Variants in LRCH3 observed in about 807,000 individuals in gnomAD.
The protein encoded by LRCH3 is DISP complex protein LRCH3.
A neutral mutation model predicts 104.5 loss-of-function variants in LRCH3; 68 were observed. The observed-to-expected ratio is 0.65, with a 90% CI of 0.54 to 0.80. The LOEUF is 0.80. Ranked by LOEUF, LRCH3 falls within the 30% of genes least tolerant of loss-of-function variation. The pLI is 0.00. For synonymous variants in LRCH3, 344 were observed against 361.3 expected, an observed-to-expected ratio of 0.95 and a Z score of 0.54; for missense variants, 951 against 953.9, an observed-to-expected ratio of 1.00 and a Z score of 0.04.
chr3:197,814,958 G>A lies in LRCH3; in HGVS notation c.313G>A (p.Val105Ile), dbSNP rs760317916. The A allele has an allele frequency of 2.5e-6, 4 of 1,601,252 alleles. No individual in the cohort carries two copies. In the South Asian group the frequency reaches 3.5e-5, roughly 14 times the overall value. ...AATTCCTATAGAAGCATGTCACTTT[G>A]TTTCTCTGGAAAATCTCAACTTGTA... is the stretch of plus-strand genomic sequence containing the variant. ...SEIPIEACHF[V>I]SLENLNLYQN... Residue 105 changes from valine to isoleucine, a missense_variant, in exon 2 of 21, where the codon GTT becomes ATT. Transcript: ENST00000425562.
In LRCH3 at chr3:197,847,341, GT is replaced by G. The variant is rs912294879; in HGVS notation, c.1329-62del. 37 of 1,393,864 alleles carry G rather than the reference GT, an allele frequency of 2.7e-5. No individual in the cohort carries two copies. In the African/African-American group the frequency reaches 5.4e-4, roughly 20 times the overall value. The allele number at this position is 1,393,864 out of a possible 1,614,324, so 86.3% of individuals were successfully genotyped here. On this transcript the variant is annotated intron_variant, in intron 10 of 20. Transcript: ENST00000425562. ...TACATTTACAATAAAAATTTCATTT[GT>G]TTTTTATGTATCTGTTTGTCTTTTT...
intron 5 of LRCH3, 125 bp from the exon 6 acceptor site, chr3:197,829,439 T>C (rs749206547): frequency 1.4e-5 from 7 of 508,676 alleles, no homozygotes; most frequent in Non-Finnish European, 2.4e-5. Context: ...TTTTAAATAT[T>C]ACTGTATGTA....
At chr3:197,816,369 C>T (rs1330843727) in intron 2 of LRCH3, among the ~76,000 whole-genome samples, 3 of 152,104 alleles carry the variant, frequency 2.0e-5, no homozygotes, top group Admixed American at 6.6e-5. Context: ...CAACCTCCAT[C>T]TCCCGGGTTC....
At chr3:197,881,980 T>A in intron 20 of LRCH3, 1 of 985,452 alleles carries the variant, frequency 1.0e-6, no homozygotes, top group African/African-American at 1.7e-5. Flanking sequence ...AAACTTCAGT[T>A]TTCTGTGTCA....
chr3:197,880,593 G>A, intron 20 of LRCH3: 1 of 1,536,610 alleles, frequency 6.5e-7, no homozygotes, highest in Non-Finnish European at 8.7e-7. Flanking sequence ...TTCTCTTGGG[G>A]CACACTCAGA....
chr3:197,825,200 C>T (rs58374545), intron 4 of LRCH3, among the ~76,000 whole-genome samples: 1 of 152,012 alleles, frequency 6.6e-6, no homozygotes, highest in Non-Finnish European at 1.5e-5. Context: ...AGCTTTTGCT[C>T]TCTGGAAGAT....
intron 1 of LRCH3, 42 bp downstream of exon 1, chr3:197,791,582 C>T (rs751786065): frequency 7.4e-6 from 11 of 1,486,256 alleles, no homozygotes; most frequent in Non-Finnish European, 9.7e-6. Flanking sequence ...GGAGACCCGG[C>T]GCCGGGAGCC....
intron 8 of LRCH3, among the ~76,000 whole-genome samples, chr3:197,834,097 C>A (rs1463142091): frequency 6.6e-6 from 1 of 152,198 alleles, no homozygotes; most frequent in Non-Finnish European, 1.5e-5. Flanking sequence ...ACTGTTCCAG[C>A]AACTGCGATT....
At chr3:197,792,577 T>TTATATATATATGTATATATATA (rs1553912027) in intron 1 of LRCH3, among the ~76,000 whole-genome samples, 1 of 20,330 alleles carries the variant, frequency 4.9e-5, no homozygotes, top group African/African-American at 1.2e-4. Context: ...CCAGCTAATT[T>TTATATATATATGTATATATATA]TATATATATA....
At chr3:197,844,101 G>C (rs531301611) in intron 10 of LRCH3, among the ~76,000 whole-genome samples, 2 of 152,190 alleles carry the variant, frequency 1.3e-5, no homozygotes, top group African/African-American at 4.8e-5. Context: ...GGGGTGAAAC[G>C]TTCTAGGTAG....
At chr3:197,817,118 GAA>G in intron 2 of LRCH3, 56 bp from the exon 3 acceptor site, 1 of 1,513,988 alleles carries the variant, frequency 6.6e-7, no homozygotes, top group Non-Finnish European at 8.9e-7. Flanking sequence ...GAGAAAGAGA[GAA>G]AATTTTTCTT....
intron 8 of LRCH3, among the ~76,000 whole-genome samples, chr3:197,834,302 C>T (rs972520393): frequency 3.3e-5 from 5 of 152,142 alleles, no homozygotes; most frequent in South Asian, 2.1e-4. Context: ...AATTTATATA[C>T]GTCTCCTCAC....
At chr3:197,837,726 A>G (rs1175319531) in intron 9 of LRCH3, among the ~76,000 whole-genome samples, 1 of 151,938 alleles carries the variant, frequency 6.6e-6, no homozygotes, top group Non-Finnish European at 1.5e-5. Context: ...GCCTCTTAGA[A>G]TAATTTTAGA....
intron 1 of LRCH3, among the ~76,000 whole-genome samples, chr3:197,814,051 T>A (rs1580608244): frequency 6.6e-6 from 1 of 152,212 alleles, no homozygotes; most frequent in African/African-American, 2.4e-5. Flanking sequence ...TTTTTTCTCT[T>A]TATTTCCTCA....
intron 19 of LRCH3, among the ~76,000 whole-genome samples, chr3:197,874,691 C>T (rs994221073): frequency 1.3e-5 from 2 of 151,586 alleles, no homozygotes; most frequent in Non-Finnish European, 2.9e-5. Flanking sequence ...TAGTGTTACA[C>T]TGTTTTAAAA....
At chr3:197,838,014 T>C (rs572223104) in intron 9 of LRCH3, among the ~76,000 whole-genome samples, 1 of 151,974 alleles carries the variant, frequency 6.6e-6, no homozygotes, top group African/African-American at 2.4e-5. Context: ...GAGCCGAGAT[T>C]GTGCTACTGC....
intron 5 of LRCH3, 32 bp downstream of exon 5, chr3:197,827,046 T>TGGTGGAAGCATCAGGTAAACCAC (rs1560547713): frequency 6.4e-7 from 1 of 1,551,524 alleles, no homozygotes; most frequent in East Asian, 2.8e-5. Flanking sequence ...AGGTAAACCA[T>TGGTGGAAGCATCAGGTAAACCAC]GGTGGAAGCA....
chr3:197,867,166 A>G (rs541835581), intron 17 of LRCH3, among the ~76,000 whole-genome samples: 1 of 152,150 alleles, frequency 6.6e-6, no homozygotes, highest in Non-Finnish European at 1.5e-5. Context: ...AATTCCTGCT[A>G]CTCAGGAGGC....
At chr3:197,796,561 A>G (rs1397205338) in intron 1 of LRCH3, among the ~76,000 whole-genome samples, 1 of 152,254 alleles carries the variant, frequency 6.6e-6, no homozygotes, top group African/African-American at 2.4e-5. Flanking sequence ...TATTGCTTAT[A>G]ATAGTAGCTA....
Sources: allele counts gnomAD v4.1 joint callset (sites outside exome capture counted in the v4.1 genomes callset), GRCh38; gene constraint gnomAD v4.1.1; transcripts MANE v1.5; gene names NCBI Gene and HGNC (gene_info 2026-07-23, HGNC 2026-07-21).